The following FGF14 variants were observed in gnomAD, a reference collection of about 807,000 sequenced individuals.
FGF14 encodes fibroblast growth factor homologous factor 4.
In FGF14, 5 loss-of-function variants were observed where a neutral mutation model predicts 25.5. The ratio of observed to expected loss-of-function variants is 0.20; its 90% CI spans 0.10 to 0.41. FGF14 has a LOEUF of 0.41. Ranked by LOEUF, FGF14 falls within the 10% of genes least tolerant of loss-of-function variation. FGF14 has a pLI of 1.00. For missense variants in FGF14, 222 were observed against 320.1 expected, an observed-to-expected ratio of 0.69 and a Z score of 2.34; for synonymous variants, 138 against 118.3, an observed-to-expected ratio of 1.17 and a Z score of -1.08.
chr13:102,106,529 C>T (rs565699550), intron 1 of FGF14, among the ~76,000 whole-genome samples: 64 of 130,868 alleles, frequency 4.9e-4, no homozygotes, highest in Admixed American at 8.9e-4. Context: ...GAGCCAAGAT[C>T]GCACCATTGC....
chr13:101,722,468 T>TA lies in FGF14; in HGVS notation c.*362_*363insT, dbSNP rs1212356501. 7 of 338,790 alleles carry TA rather than the reference T, an allele frequency of 2.1e-5. No individual in the cohort carries two copies. The Admixed American group carries it at 2.9e-4, about 14-fold the overall frequency. The allele number at this position is 338,790 out of a possible 1,614,324, so 21.0% of individuals were successfully genotyped here. On this transcript the variant is annotated 3_prime_UTR_variant, in exon 5 of 5. Coordinates refer to ENST00000376143, the MANE Select transcript of FGF14 (RefSeq NM_004115.4). ...AAAATTGAACTTAAACACATAGATT[T>TA]CGCTGAAACAGGACTCAAAAAGGAT...
At chr13:101,829,006 T>C (rs2042542541) in intron 3 of FGF14, among the ~76,000 whole-genome samples, 1 of 152,080 alleles carries the variant, frequency 6.6e-6, no homozygotes, top group South Asian at 2.1e-4. Context: ...TTTCTGCCCC[T>C]CGGGGTCTGT....
At chr13:102,260,600 C>G (rs942069189) in intron 1 of FGF14, among the ~76,000 whole-genome samples, 4 of 152,140 alleles carry the variant, frequency 2.6e-5, no homozygotes, top group African/African-American at 9.6e-5. Context: ...GACAGCTTTG[C>G]TATCGCTATC....
chr13:102,161,043 T>C (rs533605790), intron 1 of FGF14, among the ~76,000 whole-genome samples: 5 of 151,620 alleles, frequency 3.3e-5, no homozygotes, highest in Non-Finnish European at 5.9e-5. Context: ...ATGGAAAAAA[T>C]AGAGAGGAAA....
chr13:102,148,001 G>C (rs1224387181), intron 1 of FGF14, among the ~76,000 whole-genome samples: 1 of 152,032 alleles, frequency 6.6e-6, no homozygotes, highest in Non-Finnish European at 1.5e-5. Context: ...TCCCATACCT[G>C]GAAGGTATGT....
chr13:102,234,004 CA>C (rs942398348), intron 1 of FGF14, among the ~76,000 whole-genome samples: 1 of 152,150 alleles, frequency 6.6e-6, no homozygotes, highest in African/African-American at 2.4e-5. Flanking sequence ...TAGTCAAAAT[CA>C]GAGACAGAAA....
At chr13:102,030,746 C>T (rs540984147) in intron 1 of FGF14, among the ~76,000 whole-genome samples, 5 of 152,124 alleles carry the variant, frequency 3.3e-5, no homozygotes, top group African/African-American at 9.6e-5. Flanking sequence ...GGAAAGGTGG[C>T]TGTGGGAGAA....
At chr13:101,792,439 T>G (rs915652409) in intron 3 of FGF14, among the ~76,000 whole-genome samples, 3 of 152,112 alleles carry the variant, frequency 2.0e-5, no homozygotes, top group African/African-American at 7.2e-5. Context: ...CTTGAGGGTA[T>G]GGGCCTTGCA....
At chr13:102,099,432 G>T (rs192612843) in intron 1 of FGF14, among the ~76,000 whole-genome samples, 8 of 152,202 alleles carry the variant, frequency 5.3e-5, no homozygotes, top group Admixed American at 2.6e-4. Context: ...CCACACAAGG[G>T]TTCTTAGAGC....
At chr13:101,895,627 A>G (rs962667868) in intron 1 of FGF14, among the ~76,000 whole-genome samples, 10 of 152,222 alleles carry the variant, frequency 6.6e-5, no homozygotes, top group Non-Finnish European at 1.5e-4. Flanking sequence ...GCCCGAGAGA[A>G]GTAACTTTAA....
intron 1 of FGF14, among the ~76,000 whole-genome samples, chr13:101,939,037 A>T (rs2035279286): frequency 1.3e-5 from 2 of 152,162 alleles, no homozygotes; most frequent in Non-Finnish European, 2.9e-5. Context: ...CCCAAAACCA[A>T]GTATTAACCA....
chr13:101,979,400 G>C (rs1175515549), intron 1 of FGF14, among the ~76,000 whole-genome samples: 2 of 152,156 alleles, frequency 1.3e-5, no homozygotes, highest in Non-Finnish European at 2.9e-5. Context: ...AGGAACAGAT[G>C]TTTTACTTCC....
At position 101,717,008 on chromosome 13, in the gene FGF14, T is replaced by TAAAA. The variant is rs892754445; in HGVS notation, c.*5819_*5822dup. 1 of 147,418 alleles carries TAAAA rather than the reference T, an allele frequency of 6.8e-6. No individual in the cohort carries two copies. The highest frequency in any genetic ancestry group is 1.5e-5 in the Non-Finnish European group (1 of 66,486). The allele number at this position is 147,418 out of a possible 1,614,324, so 9.1% of individuals were successfully genotyped here. On this transcript the variant is annotated 3_prime_UTR_variant, in exon 5 of 5. Transcript: ENST00000376143. ...TAGGCAACCTTTAATTATTTAGAGC[T>TAAAA]AAAAAAAAAACCACTTTTTTTCTAA...
At chr13:102,270,563 T>C (rs2053196830) in intron 1 of FGF14, among the ~76,000 whole-genome samples, 1 of 152,166 alleles carries the variant, frequency 6.6e-6, no homozygotes, top group Non-Finnish European at 1.5e-5. Context: ...TTTACACATA[T>C]TGTCAACCTG....
At chr13:101,812,639 ATATATATATATATATTTTTTTTTTT>A in intron 3 of FGF14, among the ~76,000 whole-genome samples, 1 of 11,372 alleles carries the variant, frequency 8.8e-5, no homozygotes, top group South Asian at 3.2e-3. Flanking sequence ...ATATATATAT[ATATATATATATATATTTTTTTTTTT>A]TTTTTTTTTT....
chr13:102,086,402 C>T (rs553915804), intron 1 of FGF14, among the ~76,000 whole-genome samples: 1 of 151,864 alleles, frequency 6.6e-6, no homozygotes, highest in East Asian at 2.0e-4. Context: ...TGGTGGCGGG[C>T]GCATGTAGTC....
intron 1 of FGF14, among the ~76,000 whole-genome samples, chr13:101,924,821 A>G (rs2034257462): frequency 6.6e-6 from 1 of 152,204 alleles, no homozygotes; most frequent in Non-Finnish European, 1.5e-5. Flanking sequence ...TTTCTATCAC[A>G]CTATCTGCCA....
chr13:101,812,637 ATATATATATATATATATTTTTTT>A (rs1299103415), intron 3 of FGF14, among the ~76,000 whole-genome samples: 46 of 11,752 alleles, frequency 3.9e-3, no homozygotes, highest in African/African-American at 0.012. Context: ...ATATATATAT[ATATATATATATATATATTTTTTT>A]TTTTTTTTTT....
chr13:101,954,067 A>C (rs1254395279), intron 1 of FGF14, among the ~76,000 whole-genome samples: 1 of 152,194 alleles, frequency 6.6e-6, no homozygotes, highest in Non-Finnish European at 1.5e-5. Flanking sequence ...TTGACAGAAA[A>C]CTGTCCTTCT....
Sources: allele counts gnomAD v4.1 joint callset (sites outside exome capture counted in the v4.1 genomes callset), GRCh38; gene constraint gnomAD v4.1.1; transcripts MANE v1.5; gene names NCBI Gene and HGNC (gene_info 2026-07-23, HGNC 2026-07-21).